Variants in PLIN1 observed in about 807,000 individuals in gnomAD.
PLIN1 encodes the protein perilipin 1.
In PLIN1, 37 loss-of-function variants were observed where a neutral mutation model predicts 45.8. The ratio of observed to expected loss-of-function variants is 0.81; its 90% CI spans 0.62 to 1.06. The LOEUF (loss-of-function observed/expected upper bound fraction) is 1.06. Among genes scored for constraint, PLIN1 ranks in the 50% least tolerant of loss-of-function variants. The probability of loss-of-function intolerance (pLI) is 0.00; values close to 1 mark genes in which losing one functional copy is unlikely to be tolerated. For missense variants in PLIN1, 776 were observed against 716.5 expected (o/e 1.08, Z -0.95); for synonymous variants, 340 against 309.2 (o/e 1.10, Z -1.05).
At chr15:89,672,582 T>C (rs1340187769) in intron 3 of PLIN1, among the ~76,000 whole-genome samples, 1 of 152,212 alleles carries the variant, frequency 6.6e-6, no homozygotes, top group East Asian at 1.9e-4. Flanking sequence ...TACCAGACTT[T>C]TTGGCATTGC....
Position 89,665,554 on chromosome 15 carries a change from G to T in PLIN1, c.*29C>A. 1 of 1,522,628 alleles carries T rather than the reference G, an allele frequency of 6.6e-7. No individual in the cohort carries two copies. The highest frequency in any genetic ancestry group is 8.8e-7 in the Non-Finnish European group (1 of 1,137,202). 94.3% of individuals were successfully genotyped at this position (1,522,628 alleles called of 1,614,324 possible). A position where few individuals can be genotyped will look rare whatever the true frequency, so the allele number is the denominator to read the frequency against. On this transcript the variant is annotated 3_prime_UTR_variant, in exon 9 of 9. Transcript: ENST00000300055. The stretch of plus-strand genomic sequence containing the variant: ...GTTTATTTGTTAGAGAAACCCGCCG[G>T]CCCGGGGCGCGGCGGCTGGTGCGGC...
At chr15:89,676,787 G>A (rs1015856990) in intron 2 of PLIN1, 14 of 153,946 alleles carry the variant, frequency 9.1e-5, no homozygotes, top group African/African-American at 3.1e-4. Context: ...ACAAAACAAA[G>A]TGATTCCTAG....
chr15:89,671,975 C>T (rs1171306600), intron 3 of PLIN1, among the ~76,000 whole-genome samples: 1 of 152,236 alleles, frequency 6.6e-6, no homozygotes, highest in Non-Finnish European at 1.5e-5. Flanking sequence ...TTCTTTCCCT[C>T]CTTCTCTTCC....
chr15:89,677,837 G>A lies in PLIN1; in HGVS notation c.-14-334C>T, dbSNP rs898025433. 1.2e-4 allele frequency: 26 copies of A among 224,418 alleles called. No individual in the cohort carries two copies. The South Asian group carries it at 1.3e-3, about 11-fold the overall frequency. 13.9% of individuals were successfully genotyped at this position (224,418 alleles called of 1,614,324 possible). A position where few individuals can be genotyped will look rare whatever the true frequency, so the allele number is the denominator to read the frequency against. ...ACAATCTCGGCTCACTACAACCTCC[G>A]CCTCCCGGGTTCAAGGGATTCTCCT... On this transcript the variant is annotated intron_variant, in intron 1 of 8. Coordinates refer to ENST00000300055, the MANE Select transcript of PLIN1 (RefSeq NM_002666.5).
At chr15:89,675,422 C>CAAAAAAAAAAA (rs71151523) in intron 2 of PLIN1, among the ~76,000 whole-genome samples, 1 of 62,584 alleles carries the variant, frequency 1.6e-5, no homozygotes, top group Non-Finnish European at 2.9e-5. Flanking sequence ...CTCTGAGCCA[C>CAAAAAAAAAAA]AAAAAAAAAA....
Position 89,675,444 on chromosome 15 carries a change from A to AAC in PLIN1, c.45+2000_45+2001insGT, listed in dbSNP as rs1555426877. ...CCACAAAAAAAAAAAAAAAAAAAAA[A>AAC]AAAGCTGGCCATGCTAATATTTGAT... is the stretch of plus-strand genomic sequence containing the variant. On this transcript the variant is annotated intron_variant, in intron 2 of 8. Transcript: ENST00000300055. Among the ~76,000 whole-genome samples, 32 of 138,528 alleles carry AAC rather than the reference A, an allele frequency of 2.3e-4. 1 individual carries two copies. Among genetic ancestry groups the AAC allele is most frequent in the Non-Finnish European group, 2.6e-4 (17 of 64,474 alleles). The allele number at this position is 138,528 out of a possible 152,430, so 90.9% of individuals were successfully genotyped here.
rs8179041 is a variant in PLIN1 at position 89,669,644 on chromosome 15, C to T, written c.627G>A (p.Gln209=). ...SAPAPGHQQA[Q]KSPKAKPSLL... ...GGCTTGGCTTGGCCTTGGGAGACTTCTGGGCTTGCTGGTGTCCAGGAGCAG... is the reference window on the plus strand; with the variant it reads ...GGCTTGGCTTGGCCTTGGGAGACTTTTGGGCTTGCTGGTGTCCAGGAGCAG... Residue 209 remains glutamine (Q), a synonymous_variant, in exon 6 of 9, where the codon CAG becomes CAA. Transcript: ENST00000300055. The T allele has an allele frequency of 1.9e-6, 3 of 1,614,022 alleles. No homozygotes were observed. The highest frequency in any genetic ancestry group is 2.5e-6 in the Non-Finnish European group (3 of 1,180,002).
In PLIN1 at chr15:89,665,798, G is replaced by T; in HGVS notation, c.1354C>A (p.Pro452Thr). 7.5e-7 allele frequency: 1 copy of T among 1,326,418 alleles called. No homozygotes were observed. The highest frequency in any genetic ancestry group is 9.6e-7 in the Non-Finnish European group (1 of 1,039,566). The allele number at this position is 1,326,418 out of a possible 1,614,324, so 82.2% of individuals were successfully genotyped here. Residue 452 changes from proline (P) to threonine (T), a missense_variant, in exon 9 of 9, where the codon CCC becomes ACC. Pro to Thr is a conservative substitution (Grantham distance 38). Coordinates refer to ENST00000300055, the MANE Select transcript of PLIN1 (RefSeq NM_002666.5). Reference protein sequence around the residue: ...GPEPAPRLAQPRRSLRSAQSP... With the variant: ...GPEPAPRLAQTRRSLRSAQSP... ...TGCGCGCTGCGCAGGCTGCGGCGGGGCTGTGCGAGACGCGGGGCGGGCTCC... is the reference window on the plus strand; with the variant it reads ...TGCGCGCTGCGCAGGCTGCGGCGGGTCTGTGCGAGACGCGGGGCGGGCTCC...
rs1475649636 is a variant in PLIN1 at position 89,671,523 on chromosome 15, G to A, written c.292C>T (p.Leu98=). 2.5e-6 allele frequency: 4 copies of A among 1,576,852 alleles called. No individual in the cohort carries two copies. Among genetic ancestry groups the A allele is most frequent in the Non-Finnish European group, 3.4e-6 (4 of 1,160,852 alleles). The stretch of plus-strand genomic sequence containing the variant: ...TGGAGGGCGGGGATCTTTTCCTCCA[G>A]GTGGTCCAAGCCTCGGCAGGCCAGC... The part of the protein sequence containing the change: ...NELACRGLDH[L]EEKIPALQYP... Residue 98 remains leucine, a synonymous_variant, in exon 4 of 9, where the codon CTG becomes TTG. Coordinates refer to ENST00000300055, the MANE Select transcript of PLIN1 (RefSeq NM_002666.5).
At chr15:89,669,448 C>A in intron 6 of PLIN1, 52 bp downstream of exon 6, 3 of 1,481,654 alleles carry the variant, frequency 2.0e-6, no homozygotes, top group Non-Finnish European at 9.3e-7. Context: ...GACTAGGAGG[C>A]CCACAGGGCT....
Position 89,664,376 on chromosome 15 carries a change from A to C in PLIN1, c.*1207T>G, listed in dbSNP as rs542241643. 11 of 146,678 alleles carry C rather than the reference A, an allele frequency of 7.5e-5. No individual in the cohort carries two copies. Among genetic ancestry groups the C allele is most frequent in the African/African-American group, 2.2e-4 (9 of 40,106 alleles). The allele number at this position is 146,678 out of a possible 1,614,324, so 9.1% of individuals were successfully genotyped here. On this transcript the variant is annotated 3_prime_UTR_variant, in exon 9 of 9. Transcript: ENST00000300055. ...ACATGTACACTAGACATTTTTGATA[A>C]GGACATTTATTATAGCATCGTTTGC...
At position 89,665,952 on chromosome 15, in the gene PLIN1, C is replaced by T; in HGVS notation, c.1210-10G>A. 4.7e-6 allele frequency: 7 copies of T among 1,485,122 alleles called. No individual in the cohort carries two copies. The highest frequency in any genetic ancestry group is 2.8e-5 in the East Asian group (1 of 36,262). 92.0% of individuals were successfully genotyped at this position (1,485,122 alleles called of 1,614,324 possible). On this transcript the variant is annotated splice_polypyrimidine_tract_variant and intron_variant, in intron 8 of 8. Coordinates refer to ENST00000300055, the MANE Select transcript of PLIN1 (RefSeq NM_002666.5). The stretch of plus-strand genomic sequence containing the variant: ...GCGACAGCCTGGGGAGCTGAGGGCC[C>T]GGCAGCCGCCTTAGAGTCCTGGCTT...
At chr15:89,673,860 T>A (rs1397590533) in intron 2 of PLIN1, among the ~76,000 whole-genome samples, 1 of 152,192 alleles carries the variant, frequency 6.6e-6, no homozygotes, top group Non-Finnish European at 1.5e-5. Context: ...CCCCACTGCC[T>A]AGAACGCTCA....
chr15:89,677,416 CCT>C (rs756855042), intron 2 of PLIN1, 27 bp downstream of exon 2: 3 of 1,593,068 alleles, frequency 1.9e-6, no homozygotes, highest in Admixed American at 1.7e-5. Context: ...TTGTCCATCC[CCT>C]GTCACAGATG....
intron 8 of PLIN1, among the ~76,000 whole-genome samples, chr15:89,666,398 C>T (rs1964341085): frequency 6.6e-6 from 1 of 152,140 alleles, no homozygotes; most frequent in South Asian, 2.1e-4. Context: ...GTGCTTTCTG[C>T]CCTGACCAGC....
intron 8 of PLIN1, 94 bp from the exon 9 acceptor site, chr15:89,666,036 C>T (rs1183936882): frequency 7.1e-6 from 7 of 980,744 alleles, no homozygotes; most frequent in Non-Finnish European, 9.6e-6. Context: ...GATTGTTCCC[C>T]CGGGAGCGGC....
rs1402525003 is a variant in PLIN1, at chr15:89,665,717, C to T, written c.1435G>A (p.Ala479Thr). 3.4e-6 allele frequency: 5 copies of T among 1,463,276 alleles called. No homozygotes were observed. In the African/African-American group the frequency reaches 7.3e-5, roughly 21 times the overall value. The allele number at this position is 1,463,276 out of a possible 1,614,324, so 90.6% of individuals were successfully genotyped here. A position where few individuals can be genotyped will look rare whatever the true frequency, so the allele number is the denominator to read the frequency against. ...ACGGCCGGGAAGCCCGGGCGCGGCG[C>T]TGCGGGCGTGGCGACTTCGTCCTCC... ...GLEDEVATPAAPRPGFPAVPR... is the reference protein window; with the variant it reads ...GLEDEVATPATPRPGFPAVPR... Residue 479 changes from alanine to threonine, a missense_variant, in exon 9 of 9, where the codon GCG (alanine) becomes ACG (threonine). Physicochemically the swap from Ala to Thr is moderately conservative, Grantham distance 58 (BLOSUM62 0). Transcript: ENST00000300055.
At chr15:89,668,374 C>A (rs1964386843) in intron 6 of PLIN1, among the ~76,000 whole-genome samples, 1 of 152,154 alleles carries the variant, frequency 6.6e-6, no homozygotes, top group African/African-American at 2.4e-5. Flanking sequence ...TATTGCTGAT[C>A]TGAGCATTTT....
intron 6 of PLIN1, 79 bp from the exon 7 acceptor site, chr15:89,667,872 G>T: frequency 1.3e-6 from 2 of 1,530,342 alleles, no homozygotes; most frequent in South Asian, 1.2e-5. Context: ...CAAGCCCCTC[G>T]CCCCCAGGGT....
Sources: gnomAD v4.1 joint callset for allele counts (sites outside exome capture counted in the v4.1 genomes callset) on GRCh38, gnomAD v4.1.1 for gene constraint, MANE v1.5 for transcripts, NCBI Gene and HGNC (gene_info 2026-07-23, HGNC 2026-07-21) for gene names.